The following CTNND2 variants were observed in gnomAD, a reference collection of about 807,000 sequenced individuals.
The protein encoded by CTNND2 is catenin delta-2.
A neutral mutation model predicts 144.4 loss-of-function variants in CTNND2; 22 were observed. The ratio of observed to expected loss-of-function variants is 0.15; its 90% CI spans 0.11 to 0.22. The LOEUF (loss-of-function observed/expected upper bound fraction) is 0.22. CTNND2 is among the 10% of genes least tolerant of loss of function. CTNND2 has a pLI of 1.00. For missense variants in CTNND2, 1,353 were observed against 1,618.8 expected (o/e 0.84, Z 2.82); for synonymous variants, 751 against 695.6 (o/e 1.08, Z -1.25).
intron 10 of CTNND2, among the ~76,000 whole-genome samples, chr5:11,221,399 C>T (rs1739778500): frequency 6.6e-6 from 1 of 152,084 alleles, no homozygotes; most frequent in Admixed American, 6.6e-5. Flanking sequence ...TGTAGTTCCA[C>T]CAGGTTGAGG....
At position 11,766,261 on chromosome 5, in the gene CTNND2, G is replaced by A. The variant is rs564161954; in HGVS notation, c.38-33989C>T. Among the ~76,000 whole-genome samples, 14 of 152,298 alleles carry A rather than the reference G, an allele frequency of 9.2e-5. No individual in the cohort carries two copies. The South Asian group carries it at 2.7e-3, about 29-fold the overall frequency. ...AGGGATAATAATGCAAGTTACAATG[G>A]TATTAGTGTTGGTGGCTCAGAGCCG... is the stretch of plus-strand genomic sequence containing the variant. On this transcript the variant is annotated intron_variant, in intron 1 of 21. Transcript: ENST00000304623.
chr5:11,125,784 A>T (rs1471169893), intron 12 of CTNND2, among the ~76,000 whole-genome samples: 1 of 152,264 alleles, frequency 6.6e-6, no homozygotes, highest in Non-Finnish European at 1.5e-5. Context: ...TAGAACTAAA[A>T]GTGATGTCCA....
chr5:11,178,928 C>T lies in CTNND2; in HGVS notation c.1976-19169G>A, dbSNP rs192577652. Among the ~76,000 whole-genome samples the T allele has an allele frequency of 7.2e-5, 11 of 152,248 alleles. No individual in the cohort carries two copies. In the East Asian group the frequency reaches 2.1e-3, roughly 29 times the overall value. ...ACTGTGGAACTACAATAGCTTATAG[C>T]TAGAAAACTCTTATTTAAAATTACC... On this transcript the variant is annotated intron_variant, in intron 11 of 21. Transcript: ENST00000304623.
intron 16 of CTNND2, among the ~76,000 whole-genome samples, chr5:11,034,728 A>G (rs1743876054): frequency 6.6e-6 from 1 of 152,044 alleles, no homozygotes; most frequent in Admixed American, 6.6e-5. Context: ...GTTATAACTC[A>G]TGAAAAGTAG....
intron 21 of CTNND2, among the ~76,000 whole-genome samples, chr5:10,974,843 T>C (rs752992141): frequency 6.6e-6 from 1 of 152,248 alleles, no homozygotes; most frequent in Non-Finnish European, 1.5e-5. Flanking sequence ...AAATGAATGC[T>C]TTTAAAGGCT....
chr5:11,777,665 T>C (rs1232748709), intron 1 of CTNND2, among the ~76,000 whole-genome samples: 2 of 152,174 alleles, frequency 1.3e-5, no homozygotes, highest in African/African-American at 4.8e-5. Flanking sequence ...GGGAAATGCA[T>C]GCTTGCTAGG....
At chr5:11,186,871 A>G (rs1328796244) in intron 11 of CTNND2, among the ~76,000 whole-genome samples, 1 of 152,234 alleles carries the variant, frequency 6.6e-6, no homozygotes, top group African/African-American at 2.4e-5. Context: ...ACCACAGACC[A>G]GCTGTGACTT....
intron 1 of CTNND2, among the ~76,000 whole-genome samples, chr5:11,831,652 G>A (rs1793908001): frequency 6.7e-6 from 1 of 149,852 alleles, no homozygotes. Context: ...GGGCAACAGA[G>A]GGAGACTCTG....
chr5:11,357,823 CA>C (rs1245104767), intron 8 of CTNND2, among the ~76,000 whole-genome samples: 1 of 151,990 alleles, frequency 6.6e-6, no homozygotes, highest in African/African-American at 2.4e-5. Context: ...TGTGTCATTA[CA>C]ATGTGTCAAC....
chr5:11,309,839 T>A (rs997612478), intron 9 of CTNND2, among the ~76,000 whole-genome samples: 3 of 152,142 alleles, frequency 2.0e-5, no homozygotes, highest in African/African-American at 4.8e-5. Flanking sequence ...GGGGGCAGAT[T>A]TCCCCCCTGC....
intron 9 of CTNND2, among the ~76,000 whole-genome samples, chr5:11,240,128 AACAC>A (rs1395153525): frequency 6.9e-6 from 1 of 145,410 alleles, no homozygotes; most frequent in African/African-American, 2.6e-5. Flanking sequence ...ACACACCCCC[AACAC>A]ACACACCCAA....
At chr5:11,463,002 A>C (rs1191203908) in intron 3 of CTNND2, among the ~76,000 whole-genome samples, 1 of 152,204 alleles carries the variant, frequency 6.6e-6, no homozygotes, top group African/African-American at 2.4e-5. Flanking sequence ...CTGCATTTAA[A>C]ACTCATTAAA....
chr5:11,130,259 ACCC>A (rs34644491), intron 12 of CTNND2, among the ~76,000 whole-genome samples: 1 of 149,812 alleles, frequency 6.7e-6, no homozygotes, highest in African/African-American at 2.5e-5. Context: ...TTCATACCAC[ACCC>A]CCCCCATCCA....
intron 5 of CTNND2, among the ~76,000 whole-genome samples, chr5:11,402,145 C>G (rs1760699688): frequency 6.6e-6 from 1 of 152,140 alleles, no homozygotes; most frequent in African/African-American, 2.4e-5. Flanking sequence ...AACAACAAAA[C>G]TAATGTCAGA....
chr5:11,182,402 T>G (rs1338962429), intron 11 of CTNND2, among the ~76,000 whole-genome samples: 1 of 152,052 alleles, frequency 6.6e-6, no homozygotes, highest in Non-Finnish European at 1.5e-5. Flanking sequence ...TATATGTCTG[T>G]GTGTGCAAGT....
intron 14 of CTNND2, among the ~76,000 whole-genome samples, chr5:11,105,960 A>G (rs781101084): frequency 2.0e-5 from 3 of 152,188 alleles, no homozygotes; most frequent in Non-Finnish European, 4.4e-5. Flanking sequence ...GCGGCAAAAG[A>G]AAGAGTATGG....
intron 15 of CTNND2, among the ~76,000 whole-genome samples, chr5:11,088,159 T>A (rs901317528): frequency 6.6e-6 from 1 of 152,242 alleles, no homozygotes; most frequent in African/African-American, 2.4e-5. Flanking sequence ...AGAAATGCCT[T>A]CTGGGGAACT....
intron 9 of CTNND2, among the ~76,000 whole-genome samples, chr5:11,307,458 A>T (rs72730981): frequency 0.11 from 16,834 of 152,038 alleles, 1,207 homozygotes; most frequent in Middle Eastern, 0.24. Context: ...TGCTTTGGAG[A>T]CTTCTTGTAA....
At chr5:11,472,472 C>T (rs1029102648) in intron 3 of CTNND2, among the ~76,000 whole-genome samples, 2 of 152,124 alleles carry the variant, frequency 1.3e-5, no homozygotes, top group African/African-American at 2.4e-5. Context: ...TGCCTCATCC[C>T]TAATTAATTG....
Sources: allele counts gnomAD v4.1 joint callset (sites outside exome capture counted in the v4.1 genomes callset), GRCh38; gene constraint gnomAD v4.1.1; transcripts MANE v1.5; gene names NCBI Gene and HGNC (gene_info 2026-07-23, HGNC 2026-07-21).